Variants in TECRL observed in about 807,000 individuals in gnomAD.
TECRL encodes the protein trans-2,3-enoyl-CoA reductase like.
TECRL carries 63 observed loss-of-function variants against 52.8 expected under a neutral mutation model. The observed-to-expected ratio is 1.19, with a 90% CI of 0.97 to 1.47. TECRL has a LOEUF of 1.47. TECRL is among the 40% of genes most tolerant of loss of function. The probability of loss-of-function intolerance (pLI) is 0.00; values close to 1 mark genes in which losing one functional copy is unlikely to be tolerated. For missense variants in TECRL, 482 were observed against 429.6 expected (o/e 1.12, Z -1.08); for synonymous variants, 164 against 141.9 (o/e 1.16, Z -1.10).
intron 9 of TECRL, among the ~76,000 whole-genome samples, chr4:64,284,175 A>G (rs1192767258): frequency 6.6e-6 from 1 of 152,074 alleles, no homozygotes; most frequent in Admixed American, 6.6e-5. Context: ...AGGAGTAAAT[A>G]TCCCTCTAAG....
chr4:64,359,023 C>A (rs1720982966), intron 2 of TECRL, among the ~76,000 whole-genome samples: 1 of 151,660 alleles, frequency 6.6e-6, no homozygotes, highest in Admixed American at 6.6e-5. Context: ...TTTAAAAGCT[C>A]ATGTATTTAT....
intron 2 of TECRL, among the ~76,000 whole-genome samples, chr4:64,337,995 C>T (rs768349830): frequency 1.2e-4 from 18 of 152,192 alleles, no homozygotes; most frequent in Non-Finnish European, 2.5e-4. Context: ...GCCAAAAGAA[C>T]AAAGCTGGAG....
chr4:64,384,914 A>T (rs1295217472), intron 1 of TECRL, among the ~76,000 whole-genome samples: 2 of 152,132 alleles, frequency 1.3e-5, no homozygotes, highest in Non-Finnish European at 2.9e-5. Context: ...ATCTGCAGGC[A>T]TAGGCTATGG....
chr4:64,408,096 G>A (rs971882948), intron 1 of TECRL, among the ~76,000 whole-genome samples: 28 of 151,570 alleles, frequency 1.8e-4, no homozygotes, highest in African/African-American at 6.8e-4. Context: ...ATGAATTAAA[G>A]TTAATATAAC....
At chr4:64,369,347 GT>G (rs992297072) in intron 2 of TECRL, among the ~76,000 whole-genome samples, 3 of 151,964 alleles carry the variant, frequency 2.0e-5, no homozygotes, top group African/African-American at 4.8e-5. Flanking sequence ...TAATTTAGTA[GT>G]TTTTTTACAC....
chr4:64,337,110 T>C (rs1719148525), intron 2 of TECRL, among the ~76,000 whole-genome samples: 1 of 151,994 alleles, frequency 6.6e-6, no homozygotes, highest in Non-Finnish European at 1.5e-5. Context: ...CAGTGGGGTG[T>C]TAAAGTCTCC....
At chr4:64,328,241 A>C (rs1005848463) in intron 3 of TECRL, among the ~76,000 whole-genome samples, 1 of 151,534 alleles carries the variant, frequency 6.6e-6, no homozygotes, top group Non-Finnish European at 1.5e-5. Context: ...GTGACCAGTT[A>C]AAGCTTCACA....
chr4:64,379,502 T>C (rs1722631193), intron 1 of TECRL, among the ~76,000 whole-genome samples: 1 of 152,126 alleles, frequency 6.6e-6, no homozygotes, highest in African/African-American at 2.4e-5. Flanking sequence ...TCCTTTCTTC[T>C]AGCTATTTTG....
chr4:64,330,787 C>G (rs1018018042), intron 2 of TECRL, among the ~76,000 whole-genome samples: 54 of 152,034 alleles, frequency 3.6e-4, no homozygotes, highest in African/African-American at 1.3e-3. Context: ...TCAAGAAAAA[C>G]AGAATTATAT....
Position 64,344,077 on chromosome 4 carries a change from T to A in TECRL, c.287-15521A>T, listed in dbSNP as rs550531619. Among the ~76,000 whole-genome samples, 28 of 152,082 alleles carry A rather than the reference T, an allele frequency of 1.8e-4. No homozygotes were observed. The East Asian group carries it at 5.4e-3, about 29-fold the overall frequency. On this transcript the variant is annotated intron_variant, in intron 2 of 11. Transcript: ENST00000381210. Reference sequence around the variant, plus strand: ...GTGAATCCAATGCAAACCAGCTAGGTTACCATTTGCATTGATTTGTTTTTC... The same window carrying A: ...GTGAATCCAATGCAAACCAGCTAGGATACCATTTGCATTGATTTGTTTTTC...
chr4:64,314,923 C>T (rs969081277), intron 4 of TECRL, among the ~76,000 whole-genome samples, 160 bp from the exon 5 acceptor site: 8 of 151,982 alleles, frequency 5.3e-5, no homozygotes, highest in African/African-American at 1.5e-4. Flanking sequence ...TTGGAAGAAC[C>T]AGGGGGAGAA....
intron 8 of TECRL, among the ~76,000 whole-genome samples, chr4:64,290,601 G>A (rs1203713690): frequency 2.0e-5 from 3 of 151,756 alleles, no homozygotes; most frequent in South Asian, 2.1e-4. Context: ...AAAATATATC[G>A]GATTTTGTTC....
chr4:64,341,444 A>G (rs1287407414), intron 2 of TECRL, among the ~76,000 whole-genome samples: 1 of 152,106 alleles, frequency 6.6e-6, no homozygotes, highest in African/African-American at 2.4e-5. Flanking sequence ...TACTAAAAAT[A>G]CAAAAATTAG....
At chr4:64,388,422 A>G (rs1601078) in intron 1 of TECRL, among the ~76,000 whole-genome samples, 135,389 of 151,810 alleles carry the variant, frequency 0.89, 61,152 homozygotes, top group East Asian at 1. Context: ...CTTGCTTGCT[A>G]TAGCTATAGA....
At chr4:64,399,379 A>G (rs2109774388) in intron 1 of TECRL, among the ~76,000 whole-genome samples, 1 of 152,340 alleles carries the variant, frequency 6.6e-6, no homozygotes, top group Non-Finnish European at 1.5e-5. Flanking sequence ...GCCTGGCCAC[A>G]CGGCATAGAA....
chr4:64,374,052 C>CATATATATATATATATAT (rs77300773), intron 2 of TECRL, among the ~76,000 whole-genome samples: 2 of 106,008 alleles, frequency 1.9e-5, no homozygotes, highest in African/African-American at 4.2e-5. Context: ...ATAGTAGATA[C>CATATATATATATATATAT]ATATATATAT....
chr4:64,305,325 TCA>T lies in TECRL; in HGVS notation c.658-89_658-88del, dbSNP rs2109987167. 8 of 1,182,738 alleles carry T rather than the reference TCA, an allele frequency of 6.8e-6. No homozygotes were observed. In the South Asian group the frequency reaches 8.1e-5, roughly 12 times the overall value. 73.3% of individuals were successfully genotyped at this position (1,182,738 alleles called of 1,614,324 possible). On this transcript the variant is annotated intron_variant, in intron 6 of 11. Transcript: ENST00000381210. ...GACATACATTTATATTACATGCATGTCACAATTTGAAACCACCACATACATTT... is the reference window on the plus strand; with the variant it reads ...GACATACATTTATATTACATGCATGTCAATTTGAAACCACCACATACATTT...
At chr4:64,362,139 G>A (rs1006874788) in intron 2 of TECRL, among the ~76,000 whole-genome samples, 18 of 151,934 alleles carry the variant, frequency 1.2e-4, no homozygotes, top group Admixed American at 1.2e-3. Flanking sequence ...ATCAACACAG[G>A]CAGACAAAAA....
chr4:64,291,978 A>G (rs1463880813), intron 8 of TECRL, among the ~76,000 whole-genome samples: 4 of 152,018 alleles, frequency 2.6e-5, no homozygotes, highest in African/African-American at 7.2e-5. Context: ...GATTTTAAAG[A>G]GCAATAATAA....
Sources: allele counts gnomAD v4.1 joint callset (sites outside exome capture counted in the v4.1 genomes callset), GRCh38; gene constraint gnomAD v4.1.1; transcripts MANE v1.5; gene names NCBI Gene and HGNC (gene_info 2026-07-23, HGNC 2026-07-21).